KPNA3: variants seen among roughly 807,000 people sequenced by gnomAD.
The protein encoded by KPNA3 is importin subunit alpha-4.
In KPNA3, 13 loss-of-function variants were observed where a neutral mutation model predicts 73.8. The ratio of observed to expected loss-of-function variants is 0.18; its 90% CI spans 0.11 to 0.28. The LOEUF (loss-of-function observed/expected upper bound fraction) is 0.28. Among genes scored for constraint, KPNA3 ranks in the 10% least tolerant of loss-of-function variants. The pLI, the probability that KPNA3 is intolerant of heterozygous loss-of-function variation, is 1.00. For missense variants in KPNA3, 360 were observed against 618.1 expected, an observed-to-expected ratio of 0.58 and a Z score of 4.43; for synonymous variants, 186 against 206.9, an observed-to-expected ratio of 0.90 and a Z score of 0.87.
intron 1 of KPNA3, among the ~76,000 whole-genome samples, chr13:49,763,956 A>C (rs1954788847): frequency 6.6e-6 from 1 of 150,866 alleles, no homozygotes; most frequent in South Asian, 2.1e-4. Context: ...AGTCTCAGCT[A>C]TTCGGGAGAC....
rs1954142647 is a variant in KPNA3 at position 49,701,096 on chromosome 13, AG to A, written c.*703del. The A allele has an allele frequency of 6.4e-6, 1 of 157,176 alleles. No homozygotes were observed. Among genetic ancestry groups the A allele is most frequent in the South Asian group, 1.9e-4 (1 of 5,260 alleles). The allele number at this position is 157,176 out of a possible 1,614,324, so 9.7% of individuals were successfully genotyped here. On this transcript the variant is annotated 3_prime_UTR_variant, in exon 17 of 17. Transcript: ENST00000261667. ...ATAGGGCTTGCTGTTCTCAAAAATT[AG>A]GTATAATGGCAAAAGCATTAATATC...
At chr13:49,717,874 T>C (rs1239530921) in intron 10 of KPNA3, among the ~76,000 whole-genome samples, 1 of 152,266 alleles carries the variant, frequency 6.6e-6, no homozygotes, top group Non-Finnish European at 1.5e-5. Context: ...CGAAGCTTTC[T>C]GCTTCGCTAG....
intron 1 of KPNA3, among the ~76,000 whole-genome samples, chr13:49,777,373 A>C (rs1954905888): frequency 6.6e-6 from 1 of 152,262 alleles, no homozygotes; most frequent in Non-Finnish European, 1.5e-5. Context: ...AGGATGCATA[A>C]GTCCCTTTAT....
intron 2 of KPNA3, 68 bp from the exon 3 acceptor site, chr13:49,733,114 T>G (rs1032655358): frequency 1.1e-6 from 1 of 933,644 alleles, no homozygotes; most frequent in Admixed American, 2.0e-5. Flanking sequence ...CCATTAAAAC[T>G]ACTTCAACTT....
At chr13:49,740,068 T>C (rs9526595) in intron 2 of KPNA3, among the ~76,000 whole-genome samples, 36,299 of 151,822 alleles carry the variant, frequency 0.24, 5,179 homozygotes, top group Non-Finnish European at 0.32. Context: ...CTGGGCAACA[T>C]GGCGAAATCC....
chr13:49,774,360 A>G (rs1475778406), intron 1 of KPNA3, among the ~76,000 whole-genome samples: 1 of 152,218 alleles, frequency 6.6e-6, no homozygotes, highest in Admixed American at 6.5e-5. Context: ...ACCTGGCAGC[A>G]GTCATAACTA....
chr13:49,729,003 G>A (rs553127170), intron 6 of KPNA3, among the ~76,000 whole-genome samples: 43 of 152,312 alleles, frequency 2.8e-4, no homozygotes, highest in African/African-American at 1.0e-3. Flanking sequence ...GAAAAAGACT[G>A]CGCTGACATG....
chr13:49,755,439 A>G (rs2137577080), intron 1 of KPNA3, among the ~76,000 whole-genome samples: 1 of 152,370 alleles, frequency 6.6e-6, no homozygotes, highest in South Asian at 2.1e-4. Context: ...ACATAGTATA[A>G]GAAGTTCCAG....
chr13:49,728,846 CAA>C (rs759770871), intron 6 of KPNA3, among the ~76,000 whole-genome samples: 4 of 152,202 alleles, frequency 2.6e-5, no homozygotes, highest in Non-Finnish European at 5.9e-5. Flanking sequence ...GCTCATCAAA[CAA>C]GAGCAATTTT....
At chr13:49,719,260 T>C (rs1954333148) in intron 10 of KPNA3, among the ~76,000 whole-genome samples, 1 of 152,152 alleles carries the variant, frequency 6.6e-6, no homozygotes, top group African/African-American at 2.4e-5. Context: ...AAAAAGACTG[T>C]AGCATAAAAA....
chr13:49,711,339 A>G (rs1398473052), intron 10 of KPNA3, among the ~76,000 whole-genome samples: 4 of 152,254 alleles, frequency 2.6e-5, no homozygotes, highest in Non-Finnish European at 5.9e-5. Context: ...CTCACAAATT[A>G]GCTACCTAAT....
intron 2 of KPNA3, among the ~76,000 whole-genome samples, chr13:49,735,204 C>T (rs369248956): frequency 1.3e-5 from 2 of 152,130 alleles, no homozygotes; most frequent in East Asian, 1.9e-4. Flanking sequence ...CTCACTGCAA[C>T]CTCCACCTCC....
chr13:49,725,841 T>C (rs1303746665), intron 6 of KPNA3, among the ~76,000 whole-genome samples: 1 of 152,066 alleles, frequency 6.6e-6, no homozygotes, highest in African/African-American at 2.4e-5. Flanking sequence ...AGGGTTTCAC[T>C]ATGTTGGCCA....
chr13:49,736,171 A>G (rs1954519621), intron 2 of KPNA3, among the ~76,000 whole-genome samples: 1 of 152,174 alleles, frequency 6.6e-6, no homozygotes, highest in Non-Finnish European at 1.5e-5. Flanking sequence ...GAAATAGTCC[A>G]ACCCTGGTTG....
At chr13:49,786,678 G>A (rs1954985194) in intron 1 of KPNA3, among the ~76,000 whole-genome samples, 1 of 152,072 alleles carries the variant, frequency 6.6e-6, no homozygotes, top group South Asian at 2.1e-4. Flanking sequence ...AGAAACTACT[G>A]GTTACTCAAG....
intron 1 of KPNA3, among the ~76,000 whole-genome samples, chr13:49,776,316 A>G (rs949854593): frequency 1.3e-5 from 2 of 152,230 alleles, no homozygotes; most frequent in African/African-American, 4.8e-5. Context: ...CACTGTTGTT[A>G]CCAGCCATAG....
chr13:49,719,225 C>G (rs1954332700), intron 10 of KPNA3, among the ~76,000 whole-genome samples: 1 of 152,060 alleles, frequency 6.6e-6, no homozygotes, highest in East Asian at 1.9e-4. Flanking sequence ...GCATTTAAAA[C>G]TATATATTCT....
chr13:49,727,173 C>A (rs991160693), intron 6 of KPNA3, among the ~76,000 whole-genome samples: 9 of 151,448 alleles, frequency 5.9e-5, no homozygotes, highest in African/African-American at 1.7e-4. Context: ...GAAGTCCGGG[C>A]AAGGTGGTTC....
At chr13:49,759,054 G>A (rs1954736254) in intron 1 of KPNA3, among the ~76,000 whole-genome samples, 1 of 152,090 alleles carries the variant, frequency 6.6e-6, no homozygotes, top group African/African-American at 2.4e-5. Context: ...CTAACATGAA[G>A]AGGCTCCAAA....
Sources: allele counts gnomAD v4.1 joint callset (sites outside exome capture counted in the v4.1 genomes callset), GRCh38; gene constraint gnomAD v4.1.1; transcripts MANE v1.5; gene names NCBI Gene and HGNC (gene_info 2026-07-23, HGNC 2026-07-21).